SIPA1L1: variants seen among roughly 807,000 people sequenced by gnomAD.
The protein encoded by SIPA1L1 is signal induced proliferation associated 1 like 1, also known as signal-induced proliferation-associated 1-like protein 1.
SIPA1L1 carries 26 observed loss-of-function variants against 162.7 expected under a neutral mutation model. That is an observed-to-expected ratio of 0.16 (90% CI 0.12 to 0.22). The LOEUF is 0.22. Ranked by LOEUF, SIPA1L1 falls within the 10% of genes least tolerant of loss-of-function variation. The pLI is 1.00. For missense variants in SIPA1L1, 1,874 were observed against 2,241.0 expected (o/e 0.84, Z 3.31); for synonymous variants, 829 against 837.4 (o/e 0.99, Z 0.17).
chr14:71,586,310 A>C (rs1206922381), intron 4 of SIPA1L1: 1 of 151,636 alleles, frequency 6.6e-6, no homozygotes, highest in Non-Finnish European at 1.5e-5. Flanking sequence ...TGTGTGCTGC[A>C]AGAGAAATGA....
At chr14:71,653,649 C>T (rs550403487) in intron 8 of SIPA1L1, among the ~76,000 whole-genome samples, 2 of 152,258 alleles carry the variant, frequency 1.3e-5, no homozygotes, top group South Asian at 4.1e-4. Flanking sequence ...GCCTGTTCTC[C>T]AATGTCTGCA....
chr14:71,582,582 A>G (rs1389414805), intron 4 of SIPA1L1, among the ~76,000 whole-genome samples: 1 of 152,182 alleles, frequency 6.6e-6, no homozygotes, highest in Non-Finnish European at 1.5e-5. Flanking sequence ...CCAAACAGGC[A>G]CATTTTAAGT....
chr14:71,590,078 T>TAC (rs1219395207), intron 5 of SIPA1L1, among the ~76,000 whole-genome samples: 20 of 130,222 alleles, frequency 1.5e-4, no homozygotes, highest in South Asian at 2.4e-4. Context: ...TATATATATG[T>TAC]ACACACACAC....
At position 71,340,657 on chromosome 14, in the gene SIPA1L1, C is replaced by G. The variant is rs1041190553; in HGVS notation, c.-465+19476C>G. On this transcript the variant is annotated intron_variant, in intron 2 of 23. Coordinates refer to ENST00000381232, the MANE Select transcript of SIPA1L1 (RefSeq NM_001386936.1). ...GGCGTGGTTTGCATAAGAGTTAATA[C>G]CATTTCTTTTTCTTTCCCTCATTTC... is the stretch of plus-strand genomic sequence containing the variant. Among the ~76,000 whole-genome samples the G allele has an allele frequency of 1.5e-3, 229 of 152,266 alleles. 5 individuals carry two copies. The highest frequency in any genetic ancestry group is 2.9e-4 in the Non-Finnish European group (20 of 68,026).
intron 2 of SIPA1L1, among the ~76,000 whole-genome samples, chr14:71,424,772 G>A (rs1279162808): frequency 6.6e-6 from 1 of 151,962 alleles, no homozygotes; most frequent in Non-Finnish European, 1.5e-5. Flanking sequence ...GGGTAATACT[G>A]GCATCAGATA....
At chr14:71,564,294 A>G (rs2029865269) in intron 4 of SIPA1L1, among the ~76,000 whole-genome samples, 1 of 148,230 alleles carries the variant, frequency 6.7e-6, no homozygotes, top group Non-Finnish European at 1.5e-5. Context: ...TTAAAGTTAT[A>G]CTCTCTATAC....
At chr14:71,709,117 G>A in intron 16 of SIPA1L1, 105 bp from the exon 17 acceptor site, 1 of 887,550 alleles carries the variant, frequency 1.1e-6, no homozygotes, top group South Asian at 1.8e-5. Flanking sequence ...GAACTTTTAG[G>A]CCTTCAGAGC....
intron 3 of SIPA1L1, among the ~76,000 whole-genome samples, chr14:71,518,854 C>T (rs1451829742): frequency 2.0e-5 from 3 of 152,156 alleles, no homozygotes; most frequent in Admixed American, 6.6e-5. Context: ...TACAGTTCTA[C>T]ATGGCTGGGG....
intron 19 of SIPA1L1, among the ~76,000 whole-genome samples, chr14:71,726,340 A>C (rs775552840): frequency 6.6e-6 from 1 of 152,218 alleles, no homozygotes; most frequent in Non-Finnish European, 1.5e-5. Flanking sequence ...ATCAAAACCC[A>C]AAGAGGTATA....
intron 4 of SIPA1L1, among the ~76,000 whole-genome samples, chr14:71,577,445 C>T (rs1167774501): frequency 1.3e-5 from 2 of 151,412 alleles, no homozygotes; most frequent in East Asian, 3.9e-4. Flanking sequence ...GGTGCAATCT[C>T]AGCTTACTGC....
chr14:71,518,698 T>C (rs1001547812), intron 3 of SIPA1L1, among the ~76,000 whole-genome samples: 4 of 152,148 alleles, frequency 2.6e-5, no homozygotes, highest in Non-Finnish European at 4.4e-5. Context: ...CCCAGCACTT[T>C]GGGAGGCTGA....
intron 4 of SIPA1L1, chr14:71,573,457 G>T (rs1268700699): frequency 1.2e-5 from 5 of 423,428 alleles, no homozygotes; most frequent in Non-Finnish European, 2.4e-5. Flanking sequence ...CATTCACAGT[G>T]TGTCCTGTTT....
At chr14:71,461,417 G>T (rs540832903) in intron 2 of SIPA1L1, among the ~76,000 whole-genome samples, 54 of 152,278 alleles carry the variant, frequency 3.5e-4, no homozygotes, top group African/African-American at 1.3e-3. Context: ...ATGACGGGTG[G>T]CTGGGGAAAG....
chr14:71,435,815 C>T (rs1227860584), intron 2 of SIPA1L1, among the ~76,000 whole-genome samples: 1 of 152,220 alleles, frequency 6.6e-6, no homozygotes, highest in Non-Finnish European at 1.5e-5. Flanking sequence ...ATTCCTATTT[C>T]TCCACATCCT....
intron 2 of SIPA1L1, among the ~76,000 whole-genome samples, chr14:71,418,485 C>A (rs1188717216): frequency 6.6e-6 from 1 of 152,014 alleles, no homozygotes; most frequent in Non-Finnish European, 1.5e-5. Flanking sequence ...AGAGCTCAGC[C>A]CCACCCCCTA....
intron 4 of SIPA1L1, among the ~76,000 whole-genome samples, chr14:71,548,460 G>A (rs918089939): frequency 2.0e-5 from 3 of 152,104 alleles, no homozygotes; most frequent in African/African-American, 7.2e-5. Context: ...GATAAAATCA[G>A]TGTGCATGGA....
intron 2 of SIPA1L1, among the ~76,000 whole-genome samples, chr14:71,510,212 G>A (rs2051023089): frequency 8.7e-6 from 1 of 114,624 alleles, no homozygotes; most frequent in Admixed American, 1.0e-4. Flanking sequence ...GTGAGATGGA[G>A]TTTCACTCTT....
chr14:71,410,567 C>G (rs149866845), intron 2 of SIPA1L1, among the ~76,000 whole-genome samples: 2,501 of 152,202 alleles, frequency 0.016, 42 homozygotes, highest in South Asian at 0.059. Flanking sequence ...GTATACTTAC[C>G]AGTTCAGCAT....
chr14:71,719,723 C>T (rs2083545652), intron 17 of SIPA1L1, among the ~76,000 whole-genome samples: 1 of 152,170 alleles, frequency 6.6e-6, no homozygotes, highest in Non-Finnish European at 1.5e-5. Flanking sequence ...AAATTCCTGA[C>T]CTCAGGTGAT....
Sources: gnomAD v4.1 joint callset for allele counts (sites outside exome capture counted in the v4.1 genomes callset) on GRCh38, gnomAD v4.1.1 for gene constraint, MANE v1.5 for transcripts, NCBI Gene and HGNC (gene_info 2026-07-23, HGNC 2026-07-21) for gene names.